The following DTNBP1 variants were observed in gnomAD, a reference collection of about 807,000 sequenced individuals.
The protein encoded by DTNBP1 is dystrobrevin binding protein 1, also known as dysbindin.
In DTNBP1, 35 loss-of-function variants were observed where a neutral mutation model predicts 42.8. That is an observed-to-expected ratio of 0.82 (90% CI 0.63 to 1.09). The LOEUF is 1.09. Ranked by LOEUF, DTNBP1 falls within the 50% of genes least tolerant of loss-of-function variation. The probability of loss-of-function intolerance (pLI) is 0.00; values close to 1 mark genes in which losing one functional copy is unlikely to be tolerated. For synonymous variants in DTNBP1, 171 were observed against 162.2 expected (o/e 1.05, Z -0.41); for missense variants, 457 against 424.2 (o/e 1.08, Z -0.68).
chr6:15,661,542 A>C (rs1761629513), intron 1 of DTNBP1, among the ~76,000 whole-genome samples: 1 of 150,620 alleles, frequency 6.6e-6, no homozygotes, highest in Admixed American at 6.7e-5. Flanking sequence ...GCTACTCAGG[A>C]GGTGGAGCCA....
At chr6:15,544,960 G>C (rs1248786312) in intron 7 of DTNBP1, among the ~76,000 whole-genome samples, 1 of 151,948 alleles carries the variant, frequency 6.6e-6, no homozygotes, top group African/African-American at 2.4e-5. Flanking sequence ...GAAAAATTTT[G>C]TTCAGAAACT....
intron 6 of DTNBP1, among the ~76,000 whole-genome samples, chr6:15,599,144 T>G (rs1776625856): frequency 6.6e-6 from 1 of 152,134 alleles, no homozygotes; most frequent in African/African-American, 2.4e-5. Context: ...CCTAAACCTA[T>G]TTTACATGAA....
At chr6:15,618,412 T>C (rs1382459266) in intron 5 of DTNBP1, among the ~76,000 whole-genome samples, 7 of 151,826 alleles carry the variant, frequency 4.6e-5, no homozygotes, top group Non-Finnish European at 1.0e-4. Flanking sequence ...ATTGAAAAAC[T>C]ACCTACTGGG....
At chr6:15,537,990 T>G (rs1773340492) in intron 7 of DTNBP1, among the ~76,000 whole-genome samples, 1 of 152,226 alleles carries the variant, frequency 6.6e-6, no homozygotes, top group African/African-American at 2.4e-5. Flanking sequence ...CTTCTAAACT[T>G]GCTTTTAGAT....
chr6:15,630,872 C>T (rs1217558779), intron 4 of DTNBP1, among the ~76,000 whole-genome samples: 2 of 152,166 alleles, frequency 1.3e-5, no homozygotes, highest in Admixed American at 1.3e-4. Flanking sequence ...GAGCCAAGAT[C>T]GCACCACTGC....
intron 1 of DTNBP1, chr6:15,660,475 C>T (rs1256182828): frequency 7.8e-7 from 1 of 1,289,752 alleles, no homozygotes; most frequent in Admixed American, 2.3e-5. Flanking sequence ...AGGTGACAGG[C>T]TAATGGCACA....
chr6:15,628,302 C>A (rs561872856), intron 4 of DTNBP1, among the ~76,000 whole-genome samples: 11 of 145,602 alleles, frequency 7.6e-5, no homozygotes, highest in African/African-American at 2.6e-4. Context: ...ATAATCTGTA[C>A]GATAAAAAAT....
At chr6:15,571,295 T>C (rs949460159) in intron 7 of DTNBP1, among the ~76,000 whole-genome samples, 2 of 152,228 alleles carry the variant, frequency 1.3e-5, no homozygotes, top group African/African-American at 4.8e-5. Flanking sequence ...TTTAACTGCC[T>C]ATACATAAAA....
intron 1 of DTNBP1, among the ~76,000 whole-genome samples, chr6:15,653,208 T>C (rs922765518): frequency 6.6e-6 from 1 of 152,230 alleles, no homozygotes; most frequent in Admixed American, 6.5e-5. Flanking sequence ...ATTTTGTATA[T>C]CTCATTTAAC....
At chr6:15,581,726 C>G (rs1775846584) in intron 7 of DTNBP1, among the ~76,000 whole-genome samples, 1 of 151,802 alleles carries the variant, frequency 6.6e-6, no homozygotes, top group Non-Finnish European at 1.5e-5. Flanking sequence ...GATCCACCTG[C>G]CTTGGCCCCC....
intron 3 of DTNBP1, among the ~76,000 whole-genome samples, chr6:15,644,220 G>C (rs1187458894): frequency 6.8e-6 from 1 of 147,158 alleles, no homozygotes; most frequent in Non-Finnish European, 1.5e-5. Context: ...TAATGATAAA[G>C]AGCTCAATTC....
At chr6:15,539,697 C>T (rs983978137) in intron 7 of DTNBP1, among the ~76,000 whole-genome samples, 8 of 152,242 alleles carry the variant, frequency 5.3e-5, no homozygotes, top group Non-Finnish European at 7.3e-5. Context: ...CAACACTTCT[C>T]AGAGATCCTG....
At chr6:15,645,102 T>C (rs980022492) in intron 3 of DTNBP1, among the ~76,000 whole-genome samples, 10 of 151,866 alleles carry the variant, frequency 6.6e-5, no homozygotes, top group Non-Finnish European at 1.3e-4. Flanking sequence ...AGTGACATCA[T>C]AACTGACACC....
chr6:15,592,451 C>T (rs1776338812), intron 7 of DTNBP1, among the ~76,000 whole-genome samples: 1 of 152,146 alleles, frequency 6.6e-6, no homozygotes, highest in Admixed American at 6.5e-5. Flanking sequence ...ACTAGTGTTT[C>T]TCCATGACCA....
intron 1 of DTNBP1, among the ~76,000 whole-genome samples, chr6:15,652,741 C>A (rs1761081359): frequency 6.6e-6 from 1 of 152,080 alleles, no homozygotes; most frequent in African/African-American, 2.4e-5. Context: ...AATCTTCCCA[C>A]CTCAGCCTCC....
At chr6:15,633,302 G>C (rs1411156540) in intron 4 of DTNBP1, among the ~76,000 whole-genome samples, 1 of 152,200 alleles carries the variant, frequency 6.6e-6, no homozygotes, top group Non-Finnish European at 1.5e-5. Flanking sequence ...GCCATAGATA[G>C]AAGTTCCTTC....
chr6:15,596,415 C>T (rs1776517863), intron 6 of DTNBP1, among the ~76,000 whole-genome samples: 1 of 152,160 alleles, frequency 6.6e-6, no homozygotes, highest in South Asian at 2.1e-4. Flanking sequence ...GCTTCTGGAC[C>T]CCCCATTACA....
At chr6:15,626,587 T>A (rs983951037) in intron 5 of DTNBP1, among the ~76,000 whole-genome samples, 4 of 152,230 alleles carry the variant, frequency 2.6e-5, no homozygotes, top group African/African-American at 9.6e-5. Context: ...AATAGTAAGC[T>A]GCAATATTAT....
At chr6:15,525,745 A>G (rs1772338795) in intron 8 of DTNBP1, among the ~76,000 whole-genome samples, 1 of 152,220 alleles carries the variant, frequency 6.6e-6, no homozygotes, top group South Asian at 2.1e-4. Flanking sequence ...AGAAGAACAA[A>G]GAAAGGAAAT....
Sources: gnomAD v4.1 joint callset for allele counts (sites outside exome capture counted in the v4.1 genomes callset) on GRCh38, gnomAD v4.1.1 for gene constraint, MANE v1.5 for transcripts, NCBI Gene and HGNC (gene_info 2026-07-23, HGNC 2026-07-21) for gene names.